Variants in GPHN observed in about 807,000 individuals in gnomAD.
GPHN encodes gephyrin.
A neutral mutation model predicts 95.5 loss-of-function variants in GPHN; 17 were observed. The ratio of observed to expected loss-of-function variants is 0.18; its 90% CI spans 0.12 to 0.27. The LOEUF (loss-of-function observed/expected upper bound fraction) is 0.27, where lower values mean the gene tolerates loss of function less well. Ranked by LOEUF, GPHN falls within the 10% of genes least tolerant of loss-of-function variation. The pLI is 1.00. For missense variants in GPHN, 660 were observed against 978.1 expected (o/e 0.67, Z 4.34); for synonymous variants, 320 against 322.5 (o/e 0.99, Z 0.08).
chr14:67,474,329 C>T, the GPHN span, among the ~76,000 whole-genome samples: 1 of 151,992 alleles, frequency 6.6e-6, no homozygotes, highest in Admixed American at 6.5e-5. Flanking sequence ...TGCAACTCTA[C>T]CCAAATGCTA....
At chr14:67,362,293 T>G in the GPHN span, among the ~76,000 whole-genome samples, 1 of 152,268 alleles carries the variant, frequency 6.6e-6, no homozygotes, top group South Asian at 2.1e-4. Context: ...GTGCTGGGAT[T>G]ACAGGTGTGA....
intron 3 of GPHN, among the ~76,000 whole-genome samples, chr14:66,817,722 T>C (rs1396894984): frequency 6.6e-6 from 1 of 152,144 alleles, no homozygotes; most frequent in Non-Finnish European, 1.5e-5. Context: ...TGCTGGATAT[T>C]CCACTAGACC....
chr14:67,324,896 C>CCTTT, the GPHN span, among the ~76,000 whole-genome samples: 5 of 114,454 alleles, frequency 4.4e-5, no homozygotes, highest in African/African-American at 1.6e-4. Context: ...GCCTTCCTTT[C>CCTTT]ATTTTTTTTT....
In GPHN at chr14:66,901,350, T is replaced by G. The variant is rs572210784; in HGVS notation, c.390-14653T>G. Among the ~76,000 whole-genome samples the G allele has an allele frequency of 4.6e-5, 7 of 152,128 alleles. No homozygotes were observed. The South Asian group carries it at 1.5e-3, about 32-fold the overall frequency. On this transcript the variant is annotated intron_variant, in intron 5 of 22. Transcript: ENST00000478722. ...TGGGTTGTCTCTTTGCTTTCCTGAT[T>G]GTGTCCTTTGCTGTGCAGAAGCTTT...
At chr14:66,727,863 A>G (rs922005246) in intron 2 of GPHN, among the ~76,000 whole-genome samples, 2 of 152,212 alleles carry the variant, frequency 1.3e-5, no homozygotes, top group African/African-American at 4.8e-5. Context: ...CATAAGTAAT[A>G]AGGAGCCAAA....
chr14:66,589,782 A>G lies in GPHN; in HGVS notation c.64+81191A>G, dbSNP rs190272952. Among the ~76,000 whole-genome samples the G allele has an allele frequency of 2.0e-4, 31 of 152,260 alleles. No individual in the cohort carries two copies. The East Asian group carries it at 5.2e-3, about 26-fold the overall frequency. On this transcript the variant is annotated intron_variant, in intron 1 of 22. Transcript: ENST00000478722. ...TATTAGACAGCTCAATGAGACAGAA[A>G]ATTAATAAGGATATTCAGGATTTGA...
chr14:67,663,512 A>G, the GPHN span, among the ~76,000 whole-genome samples: 1 of 151,886 alleles, frequency 6.6e-6, no homozygotes, highest in Non-Finnish European at 1.5e-5. Flanking sequence ...TCTCTACTAA[A>G]AAATACAAAA....
chr14:66,700,732 G>A (rs1018773410), intron 2 of GPHN, among the ~76,000 whole-genome samples: 3 of 151,978 alleles, frequency 2.0e-5, no homozygotes, highest in African/African-American at 7.2e-5. Flanking sequence ...AGACCATCCT[G>A]GCCAACATGG....
intron 1 of GPHN, among the ~76,000 whole-genome samples, chr14:66,535,688 G>A (rs576539630): frequency 1.3e-5 from 2 of 152,120 alleles, no homozygotes; most frequent in East Asian, 1.9e-4. Flanking sequence ...ATTTGTTAGC[G>A]TTATGGCTAG....
At chr14:66,960,890 A>C (rs2068856310) in intron 8 of GPHN, among the ~76,000 whole-genome samples, 1 of 151,594 alleles carries the variant, frequency 6.6e-6, no homozygotes, top group Non-Finnish European at 1.5e-5. Context: ...CATAACCCTC[A>C]CTCCCAGGTT....
chr14:67,203,393 C>T, the GPHN span: 6 of 981,174 alleles, frequency 6.1e-6, no homozygotes, highest in Non-Finnish European at 7.3e-6. Flanking sequence ...GCCAGTGGAG[C>T]ATGTTACTCG....
chr14:66,995,004 T>TA (rs1265587571), intron 9 of GPHN, among the ~76,000 whole-genome samples: 1 of 152,188 alleles, frequency 6.6e-6, no homozygotes, highest in African/African-American at 2.4e-5. Context: ...GAAATACAGT[T>TA]AAAGAACAAA....
At chr14:66,980,493 GT>G (rs2070584371) in intron 9 of GPHN, among the ~76,000 whole-genome samples, 1 of 152,018 alleles carries the variant, frequency 6.6e-6, no homozygotes, top group African/African-American at 2.4e-5. Context: ...TTAAAGATGG[GT>G]TTTATAATTT....
chr14:67,170,201 T>C (rs964817606), intron 21 of GPHN, among the ~76,000 whole-genome samples: 2 of 152,208 alleles, frequency 1.3e-5, no homozygotes, highest in African/African-American at 4.8e-5. Context: ...CTAAGAACTT[T>C]GTGGACTAGG....
chr14:67,667,797 AG>A, the GPHN span, among the ~76,000 whole-genome samples: 1 of 152,074 alleles, frequency 6.6e-6, no homozygotes, highest in Non-Finnish European at 1.5e-5. Flanking sequence ...ACAAAAACTT[AG>A]CCCGGCGTGG....
intron 1 of GPHN, among the ~76,000 whole-genome samples, chr14:66,564,661 C>T (rs1240540520): frequency 6.6e-6 from 1 of 152,152 alleles, no homozygotes; most frequent in Non-Finnish European, 1.5e-5. Context: ...AACAATTTAT[C>T]ATTTCTGCAT....
In GPHN at chr14:67,008,181, G is replaced by A. The variant is rs377440848; in HGVS notation, c.964-15452G>A. On this transcript the variant is annotated intron_variant, in intron 9 of 22. Coordinates refer to ENST00000478722, the MANE Select transcript of GPHN (RefSeq NM_020806.5). ...TGCTCTTCAGATTAGTCGACCAGGC[G>A]TGGTGGCTCATGCCTGTAATCCCAG... Among the ~76,000 whole-genome samples, 39 of 152,240 alleles carry A rather than the reference G, an allele frequency of 2.6e-4. No homozygotes were observed. The East Asian group carries it at 7.0e-3, about 27-fold the overall frequency.
chr14:66,926,834 A>G (rs891006023), intron 8 of GPHN, among the ~76,000 whole-genome samples: 6 of 152,198 alleles, frequency 3.9e-5, no homozygotes, highest in African/African-American at 1.4e-4. Flanking sequence ...TGCTTTGGGA[A>G]GTATGGACAT....
At chr14:67,565,009 A>G in the GPHN span, among the ~76,000 whole-genome samples, 363 of 152,206 alleles carry the variant, frequency 2.4e-3, 4 homozygotes, top group African/African-American at 8.4e-3. Flanking sequence ...GACATTTTCC[A>G]TGATAAAAAG....
Sources: gnomAD v4.1 joint callset for allele counts (sites outside exome capture counted in the v4.1 genomes callset) on GRCh38, gnomAD v4.1.1 for gene constraint, MANE v1.5 for transcripts, NCBI Gene and HGNC (gene_info 2026-07-23, HGNC 2026-07-21) for gene names.